Variants in CTNND2 observed in about 807,000 individuals in gnomAD.
CTNND2 encodes the protein catenin delta 2.
CTNND2 carries 22 observed loss-of-function variants against 144.4 expected under a neutral mutation model. That is an observed-to-expected ratio of 0.15 (90% CI 0.11 to 0.22). The LOEUF (loss-of-function observed/expected upper bound fraction) is 0.22, where lower values mean the gene tolerates loss of function less well. CTNND2 is among the 10% of genes least tolerant of loss of function. CTNND2 has a pLI of 1.00. For synonymous variants in CTNND2, 751 were observed against 695.6 expected (o/e 1.08, Z -1.25); for missense variants, 1,353 against 1,618.8 (o/e 0.84, Z 2.82).
intron 16 of CTNND2, among the ~76,000 whole-genome samples, chr5:11,066,207 T>C (rs1414573838): frequency 6.6e-6 from 1 of 152,124 alleles, no homozygotes; most frequent in Non-Finnish European, 1.5e-5. Context: ...ACCCAGATAA[T>C]TTTTGTATTT....
At chr5:11,420,207 T>C (rs1277362490) in intron 3 of CTNND2, among the ~76,000 whole-genome samples, 3 of 152,034 alleles carry the variant, frequency 2.0e-5, no homozygotes, top group Non-Finnish European at 4.4e-5. Flanking sequence ...CCTGCAATCC[T>C]AGCTACTTGG....
chr5:11,541,851 G>C (rs74709056), intron 3 of CTNND2, among the ~76,000 whole-genome samples: 1,362 of 61,104 alleles, frequency 0.022, 3 homozygotes, highest in African/African-American at 0.066. Context: ...CCCCCCCCCC[G>C]GCCAAAAGCC....
intron 5 of CTNND2, among the ~76,000 whole-genome samples, chr5:11,400,276 C>T (rs939180673): frequency 2.0e-5 from 3 of 152,156 alleles, no homozygotes; most frequent in Admixed American, 1.3e-4. Flanking sequence ...TGGACCCTAA[C>T]ATTTCACCCA....
intron 8 of CTNND2, among the ~76,000 whole-genome samples, chr5:11,356,737 A>G (rs1452802681): frequency 6.6e-6 from 1 of 152,036 alleles, no homozygotes; most frequent in East Asian, 1.9e-4. Flanking sequence ...TAGACTGAGA[A>G]GACAATCTAT....
chr5:11,458,440 G>A (rs945152046), intron 3 of CTNND2, among the ~76,000 whole-genome samples: 2 of 152,192 alleles, frequency 1.3e-5, no homozygotes, highest in African/African-American at 4.8e-5. Flanking sequence ...GCAGGAATGA[G>A]TTGTCCAAAG....
rs567651327 is a variant in CTNND2, at chr5:11,074,189, C to T, written c.2788+8507G>A. Among the ~76,000 whole-genome samples, 6 of 152,290 alleles carry T rather than the reference C, an allele frequency of 3.9e-5. No homozygotes were observed. In the East Asian group the frequency reaches 9.6e-4, roughly 24 times the overall value. On this transcript the variant is annotated intron_variant, in intron 16 of 21. Coordinates refer to ENST00000304623, the MANE Select transcript of CTNND2 (RefSeq NM_001332.4). Reference sequence around the variant, plus strand: ...TCAGTGACCCTCAAGAGGTCTGTTTCCCAGAATGGAGCACCCATATCCCAG... The same window carrying T: ...TCAGTGACCCTCAAGAGGTCTGTTTTCCAGAATGGAGCACCCATATCCCAG...
intron 9 of CTNND2, among the ~76,000 whole-genome samples, chr5:11,334,661 AGATGGGG>A (rs997352264): frequency 1.3e-5 from 2 of 152,190 alleles, no homozygotes; most frequent in Non-Finnish European, 2.9e-5. Flanking sequence ...TGCATTTCAA[AGATGGGG>A]GAGCCACCCT....
chr5:11,255,828 T>G (rs1744177102), intron 9 of CTNND2, among the ~76,000 whole-genome samples: 1 of 152,206 alleles, frequency 6.6e-6, no homozygotes, highest in South Asian at 2.1e-4. Flanking sequence ...GCCCAGGGCC[T>G]CATTACGTCT....
At chr5:11,194,864 T>C (rs1736694438) in intron 11 of CTNND2, among the ~76,000 whole-genome samples, 1 of 152,232 alleles carries the variant, frequency 6.6e-6, no homozygotes, top group Non-Finnish European at 1.5e-5. Context: ...CTTAGAATTT[T>C]TCTTTTAAAG....
At position 11,130,090 on chromosome 5, in the gene CTNND2, C is replaced by T. The variant is rs144289334; in HGVS notation, c.2160-12523G>A. ...TACTATGCACCTTACTGTCTTCTCC[C>T]AAGGAAGGCAATTTCTTTATAAATC... On this transcript the variant is annotated intron_variant, in intron 12 of 21. Coordinates refer to ENST00000304623, the MANE Select transcript of CTNND2 (RefSeq NM_001332.4). Among the ~76,000 whole-genome samples, 310 of 152,128 alleles carry T rather than the reference C, an allele frequency of 2.0e-3. 1 individual carries two copies. Among genetic ancestry groups the T allele is most frequent in the Non-Finnish European group, 3.9e-3 (262 of 67,998 alleles).
At chr5:11,683,494 A>T (rs1346104563) in intron 2 of CTNND2, among the ~76,000 whole-genome samples, 2 of 152,234 alleles carry the variant, frequency 1.3e-5, no homozygotes, top group Non-Finnish European at 2.9e-5. Context: ...TTTCCGAAAT[A>T]CAAATTAATC....
chr5:11,023,127 G>A, intron 16 of CTNND2, 148 bp from the exon 17 acceptor site: 1 of 687,018 alleles, frequency 1.5e-6, no homozygotes, highest in Non-Finnish European at 2.6e-6. Context: ...TCCCTATTGG[G>A]TAGTTTTACA....
At chr5:11,314,546 T>C (rs1751308840) in intron 9 of CTNND2, among the ~76,000 whole-genome samples, 1 of 152,122 alleles carries the variant, frequency 6.6e-6, no homozygotes, top group Non-Finnish European at 1.5e-5. Context: ...TACTACTATT[T>C]GTAGAGATGG....
At chr5:10,991,485 T>C (rs1483001626) in intron 19 of CTNND2, among the ~76,000 whole-genome samples, 1 of 152,152 alleles carries the variant, frequency 6.6e-6, no homozygotes, top group African/African-American at 2.4e-5. Context: ...GAAATCAAAA[T>C]AAAAGTTTTA....
chr5:11,566,369 GT>G (rs1236682909), intron 2 of CTNND2, among the ~76,000 whole-genome samples: 3 of 152,140 alleles, frequency 2.0e-5, no homozygotes, highest in African/African-American at 7.2e-5. Flanking sequence ...TCGGCTGAAT[GT>G]ATTTTATGCA....
At chr5:11,018,806 G>T (rs1741907552) in intron 17 of CTNND2, among the ~76,000 whole-genome samples, 1 of 151,658 alleles carries the variant, frequency 6.6e-6, no homozygotes, top group East Asian at 1.9e-4. Flanking sequence ...TGCCTCGCGG[G>T]TTCAAGCGAT....
At chr5:11,441,323 T>A (rs1284001538) in intron 3 of CTNND2, among the ~76,000 whole-genome samples, 1 of 151,816 alleles carries the variant, frequency 6.6e-6, no homozygotes, top group African/African-American at 2.4e-5. Flanking sequence ...GAGCTTATGT[T>A]TATAATTTTT....
At chr5:11,734,358 G>C (rs1296625207) in intron 1 of CTNND2, among the ~76,000 whole-genome samples, 1 of 152,194 alleles carries the variant, frequency 6.6e-6, no homozygotes, top group Non-Finnish European at 1.5e-5. Flanking sequence ...CCCACATGTA[G>C]TGAGAGGGAC....
At chr5:11,541,055 C>T (rs559941038) in intron 3 of CTNND2, among the ~76,000 whole-genome samples, 16 of 152,214 alleles carry the variant, frequency 1.1e-4, no homozygotes, top group African/African-American at 1.9e-4. Context: ...ATCCAAAGCC[C>T]GGGATGCACA....
Sources: gnomAD v4.1 joint callset for allele counts (sites outside exome capture counted in the v4.1 genomes callset) on GRCh38, gnomAD v4.1.1 for gene constraint, MANE v1.5 for transcripts, NCBI Gene and HGNC (gene_info 2026-07-23, HGNC 2026-07-21) for gene names.